The following HSPA12B variants were observed in gnomAD, a reference collection of about 807,000 sequenced individuals.
The protein encoded by HSPA12B is heat shock 70 kDa protein 12B.
A neutral mutation model predicts 69.3 loss-of-function variants in HSPA12B; 54 were observed. The observed-to-expected ratio is 0.78, with a 90% CI of 0.63 to 0.98. The LOEUF (loss-of-function observed/expected upper bound fraction) is 0.98. Among genes scored for constraint, HSPA12B ranks in the 50% least tolerant of loss-of-function variants. HSPA12B has a pLI of 0.00. For synonymous variants in HSPA12B, 441 were observed against 436.5 expected, an observed-to-expected ratio of 1.01 and a Z score of -0.13; for missense variants, 929 against 999.8, an observed-to-expected ratio of 0.93 and a Z score of 0.96.
chr20:3,752,301 G>T lies in HSPA12B; in HGVS notation c.*135G>T. 2 of 875,596 alleles carry T rather than the reference G, an allele frequency of 2.3e-6. No homozygotes were observed. The highest frequency in any genetic ancestry group is 2.2e-5 in the South Asian group (1 of 45,632). The allele number at this position is 875,596 out of a possible 1,614,324, so 54.2% of individuals were successfully genotyped here. A position where few individuals can be genotyped will look rare whatever the true frequency, so the allele number is the denominator to read the frequency against. On this transcript the variant is annotated 3_prime_UTR_variant, in exon 13 of 13. Transcript: ENST00000254963. ...CTTTCCACGCCCTCCAGCCCCGGGG[G>T]AGATAAGGTCATGGGAGAGTGGGTG...
At chr20:3,741,026 A>C in intron 3 of HSPA12B, 114 bp downstream of exon 3, 1 of 780,658 alleles carries the variant, frequency 1.3e-6, no homozygotes, top group Non-Finnish European at 2.0e-6. Context: ...TGGGGGTAGC[A>C]CCATGCCTCT....
At chr20:3,733,260 G>A (rs1273878868) in intron 1 of HSPA12B, among the ~76,000 whole-genome samples, 1 of 152,162 alleles carries the variant, frequency 6.6e-6, no homozygotes, top group Non-Finnish European at 1.5e-5. Flanking sequence ...GTCTGAGGCT[G>A]GGACCTGGTC....
chr20:3,740,114 G>A lies in HSPA12B; in HGVS notation c.44-701G>A, dbSNP rs907423502. 6.6e-6 allele frequency among the ~76,000 whole-genome samples: 1 copy of A among 152,126 alleles called. No homozygotes were observed. Among genetic ancestry groups the A allele is most frequent in the Non-Finnish European group, 1.5e-5 (1 of 68,030 alleles). ...GCGTGCAAGAGGGTCTTGATGGGGC[G>A]TCCTGCCCTGAAATGCTGGCTCAGG... On this transcript the variant is annotated intron_variant, in intron 2 of 12. Transcript: ENST00000254963. The surrounding 1 kb of genome is among the most constrained non-coding windows in gnomAD (Gnocchi z 4.9).
At position 3,745,831 on chromosome 20, in the gene HSPA12B, G is replaced by T; in HGVS notation, c.559-84G>T. 2 of 1,238,736 alleles carry T rather than the reference G, an allele frequency of 1.6e-6. No homozygotes were observed. The highest frequency in any genetic ancestry group is 2.4e-5 in the South Asian group (2 of 83,350). 76.7% of individuals were successfully genotyped at this position (1,238,736 alleles called of 1,614,324 possible). On this transcript the variant is annotated intron_variant, in intron 6 of 12. Transcript: ENST00000254963. The surrounding 1 kb of genome is among the most constrained non-coding windows in gnomAD (Gnocchi z 5.6). The stretch of plus-strand genomic sequence containing the variant: ...TGCTGGGAAGTCCTTCCTGTGATTT[G>T]ATTAGTACCTCCAGTTCCGCAGAGG...
rs2088290199 is a variant in HSPA12B at position 3,745,787 on chromosome 20, G to A, written c.559-128G>A. On this transcript the variant is annotated intron_variant, in intron 6 of 12. Transcript: ENST00000254963. The surrounding 1 kb of genome is among the most constrained non-coding windows in gnomAD (Gnocchi z 5.6). ...GCACCAAGCCATACTGATGGGAGGGGGGCCGATTCTTCCAGCTCTGCTGGG... is the reference window on the plus strand; with the variant it reads ...GCACCAAGCCATACTGATGGGAGGGAGGCCGATTCTTCCAGCTCTGCTGGG... 7 of 985,404 alleles carry A rather than the reference G, an allele frequency of 7.1e-6. No individual in the cohort carries two copies. Among genetic ancestry groups the A allele is most frequent in the Non-Finnish European group, 1.1e-5 (7 of 618,312 alleles). 61.0% of individuals were successfully genotyped at this position (985,404 alleles called of 1,614,324 possible). A position where few individuals can be genotyped will look rare whatever the true frequency, so the allele number is the denominator to read the frequency against.
Position 3,740,744 on chromosome 20 carries a change from G to A in HSPA12B, c.44-71G>A. 2.5e-6 allele frequency: 3 copies of A among 1,213,558 alleles called. No individual in the cohort carries two copies. The highest frequency in any genetic ancestry group is 3.6e-6 in the Non-Finnish European group (3 of 835,776). The allele number at this position is 1,213,558 out of a possible 1,614,324, so 75.2% of individuals were successfully genotyped here. ...AAGGACTGATGGAGAACCTTTGGGTGCCTGGCTTGGGGCCCCGCTGCCATA... is the reference window on the plus strand; with the variant it reads ...AAGGACTGATGGAGAACCTTTGGGTACCTGGCTTGGGGCCCCGCTGCCATA... On this transcript the variant is annotated intron_variant, in intron 2 of 12. Coordinates refer to ENST00000254963, the MANE Select transcript of HSPA12B (RefSeq NM_052970.5). This position sits in a 1 kb window ranked among gnomAD's most constrained non-coding sequence, Gnocchi z 4.9.
Position 3,737,340 on chromosome 20 carries a change from G to A in HSPA12B, c.-17-1318G>A, listed in dbSNP as rs539517301. Among the ~76,000 whole-genome samples, 18 of 152,154 alleles carry A rather than the reference G, an allele frequency of 1.2e-4. No individual in the cohort carries two copies. Among genetic ancestry groups the A allele is most frequent in the South Asian group, 8.3e-4 (4 of 4,818 alleles). On this transcript the variant is annotated intron_variant, in intron 1 of 12. Transcript: ENST00000254963. This position sits in a 1 kb window ranked among gnomAD's most constrained non-coding sequence, Gnocchi z 4.1. ...TTCCTCACCTCCCTTCAGCTTTAGC[G>A]CCCTCCAACTACTGCCCTCACATGT...
At chr20:3,750,773 G>A (rs767083205) in intron 11 of HSPA12B, 31 bp from the exon 12 acceptor site, 7 of 1,613,266 alleles carry the variant, frequency 4.3e-6, no homozygotes, top group Non-Finnish European at 5.9e-6. Flanking sequence ...GGCCCTGACC[G>A]ATGGATATTT....
At chr20:3,746,598 G>A (rs1232919444) in intron 7 of HSPA12B, among the ~76,000 whole-genome samples, 4 of 152,138 alleles carry the variant, frequency 2.6e-5, no homozygotes, top group Non-Finnish European at 5.9e-5. Context: ...CACCGCGCCC[G>A]GCCAAGATGG....
chr20:3,747,259 C>T (rs1328384792), intron 7 of HSPA12B, among the ~76,000 whole-genome samples: 2 of 152,106 alleles, frequency 1.3e-5, no homozygotes, highest in Non-Finnish European at 2.9e-5. Flanking sequence ...TGGAGGGACC[C>T]CCAATCCTCC....
chr20:3,744,175 G>GGGT lies in HSPA12B; in HGVS notation c.267-725_267-723dup, dbSNP rs1457449104. Among the ~76,000 whole-genome samples the GGGT allele has an allele frequency of 6.6e-6, 1 of 152,194 alleles. No individual in the cohort carries two copies. On this transcript the variant is annotated intron_variant, in intron 4 of 12. Coordinates refer to ENST00000254963, the MANE Select transcript of HSPA12B (RefSeq NM_052970.5). The surrounding 1 kb of genome is among the most constrained non-coding windows in gnomAD (Gnocchi z 4.9). Reference sequence around the variant, plus strand: ...CCCAAGGCCTGGAGACTGGATGGAAGGGTGAATGGAGACATAGACAGACAG... The same window carrying GGGT: ...CCCAAGGCCTGGAGACTGGATGGAAGGGTGGTGAATGGAGACATAGACAGACAG...
Position 3,742,321 on chromosome 20 carries a change from C to G in HSPA12B, c.179C>G (p.Ser60Cys). 1.2e-6 allele frequency: 2 copies of G among 1,614,156 alleles called. No homozygotes were observed. The highest frequency in any genetic ancestry group is 1.7e-6 in the Non-Finnish European group (2 of 1,179,978). The part of the protein sequence containing the change: ...EVRAPQQASF[S>C]VVVAIDFGTT... Reference sequence around the variant, plus strand: ...CGAGCCCCCCAGCAGGCCTCCTTCTCTGTGGTGGTGGCCATTGACTTCGGC... The same window carrying G: ...CGAGCCCCCCAGCAGGCCTCCTTCTGTGTGGTGGTGGCCATTGACTTCGGC... The change falls in exon 4 of 13, where the codon TCT becomes TGT. Residue 60 changes from serine (S) to cysteine (C), a missense_variant. Physicochemically the swap from Ser to Cys is moderately radical, Grantham distance 112. Around this residue, in one of 3 missense-constraint regions of HSPA12B, gnomAD observed 477 missense variants for 535.2 expected, o/e 0.89. Transcript: ENST00000254963.
Position 3,750,925 on chromosome 20 carries a change from G to A in HSPA12B, c.1405+18G>A. 6.2e-7 allele frequency: 1 copy of A among 1,606,530 alleles called. No homozygotes were observed. Among genetic ancestry groups the A allele is most frequent in the South Asian group, 1.1e-5 (1 of 90,936 alleles). On this transcript the variant is annotated intron_variant, in intron 12 of 12. Coordinates refer to ENST00000254963, the MANE Select transcript of HSPA12B (RefSeq NM_052970.5). ...GCACATAGGTGAGCACCTGAGCTTG[G>A]TCCCCCACCCGCCCCTACATGAACA...
Position 3,749,096 on chromosome 20 carries a change from C to G in HSPA12B, c.851-136C>G. ...GGGTTCAGGATTGCCCTCTCCCAGT[C>G]AGGAGCAGGTTGGAGTTTCAGGAGC... On this transcript the variant is annotated intron_variant, in intron 8 of 12. Coordinates refer to ENST00000254963, the MANE Select transcript of HSPA12B (RefSeq NM_052970.5). The surrounding 1 kb of genome is among the most constrained non-coding windows in gnomAD (Gnocchi z 5.5). The G allele has an allele frequency of 1.5e-6, 1 of 687,822 alleles. No individual in the cohort carries two copies. Among genetic ancestry groups the G allele is most frequent in the Non-Finnish European group, 2.5e-6 (1 of 399,450 alleles). The allele number at this position is 687,822 out of a possible 1,614,324, so 42.6% of individuals were successfully genotyped here.
In HSPA12B at chr20:3,749,987, T is replaced by C. The variant is rs758006104; in HGVS notation, c.1061T>C (p.Val354Ala). ...YKASGGPYGA[V>A]GVDLAFEQLL... The stretch of plus-strand genomic sequence containing the variant: ...ACCCCAGGGGGCCCTTATGGCGCGG[T>C]GGGCGTGGACCTGGCCTTCGAGCAG... Residue 354 changes from valine (V) to alanine (A), a missense_variant, in exon 11 of 13, where the codon GTG becomes GCG. By Grantham distance (64) the Val-to-Ala change is moderately conservative. This residue lies in a region of HSPA12B where 477 missense variants were observed against 535.2 expected (regional missense o/e 0.89). Transcript: ENST00000254963. This position sits in a 1 kb window ranked among gnomAD's most constrained non-coding sequence, Gnocchi z 5.5. The C allele has an allele frequency of 3.2e-6, 5 of 1,572,948 alleles. No individual in the cohort carries two copies. Among genetic ancestry groups the C allele is most frequent in the Non-Finnish European group, 3.5e-6 (4 of 1,159,284 alleles).
In HSPA12B at chr20:3,749,994, G is replaced by C; in HGVS notation, c.1068G>C (p.Val356=). Residue 356 remains valine (V), a synonymous_variant, in exon 11 of 13, where the codon GTG becomes GTC. Coordinates refer to ENST00000254963, the MANE Select transcript of HSPA12B (RefSeq NM_052970.5). The surrounding 1 kb of genome is among the most constrained non-coding windows in gnomAD (Gnocchi z 5.5). The part of the protein sequence containing the change: ...ASGGPYGAVG[V]DLAFEQLLCR... The stretch of plus-strand genomic sequence containing the variant: ...GGGGCCCTTATGGCGCGGTGGGCGT[G>C]GACCTGGCCTTCGAGCAGCTGCTGT... 2 of 1,579,834 alleles carry C rather than the reference G, an allele frequency of 1.3e-6. No individual in the cohort carries two copies. The highest frequency in any genetic ancestry group is 1.7e-6 in the Non-Finnish European group (2 of 1,163,542).
Position 3,745,657 on chromosome 20 carries a change from G to A in HSPA12B, c.558+60G>A, listed in dbSNP as rs1168828924. On this transcript the variant is annotated intron_variant, in intron 6 of 12. Transcript: ENST00000254963. The surrounding 1 kb of genome is among the most constrained non-coding windows in gnomAD (Gnocchi z 5.6). ...GGGACCCCCTATTTTCCCCTCATCC[G>A]AAACCGCTCCCCCATCCCGTCCCCG... 7 of 1,464,906 alleles carry A rather than the reference G, an allele frequency of 4.8e-6. No homozygotes were observed. Among genetic ancestry groups the A allele is most frequent in the Non-Finnish European group, 5.7e-6 (6 of 1,050,552 alleles). 90.7% of individuals were successfully genotyped at this position (1,464,906 alleles called of 1,614,324 possible).
Position 3,749,176 on chromosome 20 carries a change from G to A in HSPA12B, c.851-56G>A. ...CTGGGCAGGAGGATGGGAGTTGAAC[G>A]CCATAGCTGGAGCACCTCCTTCTAA... is the stretch of plus-strand genomic sequence containing the variant. On this transcript the variant is annotated intron_variant, in intron 8 of 12. Transcript: ENST00000254963. The surrounding 1 kb of genome is among the most constrained non-coding windows in gnomAD (Gnocchi z 5.5). The A allele has an allele frequency of 2.0e-6, 3 of 1,496,116 alleles. No homozygotes were observed. The highest frequency in any genetic ancestry group is 1.8e-6 in the Non-Finnish European group (2 of 1,087,390). The allele number at this position is 1,496,116 out of a possible 1,614,324, so 92.7% of individuals were successfully genotyped here. A position where few individuals can be genotyped will look rare whatever the true frequency, so the allele number is the denominator to read the frequency against.
At position 3,748,356 on chromosome 20, in the gene HSPA12B, G is replaced by A. The variant is rs777642122; in HGVS notation, c.815G>A (p.Gly272Asp). ...CGGGCCCCAGGTGGTGGGCGCCTGGGTGAGCGCCGCTCCATCGACTCCAGC... is the reference window on the plus strand; with the variant it reads ...CGGGCCCCAGGTGGTGGGCGCCTGGATGAGCGCCGCTCCATCGACTCCAGC... ...SGRAPGGGRL[G>D]ERRSIDSSFR... Residue 272 changes from glycine to aspartate, a missense_variant, in exon 8 of 13, where the codon GGT (glycine) becomes GAT (aspartate). Gly to Asp is a moderately conservative substitution (Grantham distance 94). Coordinates refer to ENST00000254963, the MANE Select transcript of HSPA12B (RefSeq NM_052970.5). 2.5e-6 allele frequency: 4 copies of A among 1,608,358 alleles called. No homozygotes were observed. The highest frequency in any genetic ancestry group is 1.7e-5 in the Admixed American group (1 of 59,440).
Sources: allele counts gnomAD v4.1 joint callset (sites outside exome capture counted in the v4.1 genomes callset), GRCh38; gene constraint gnomAD v4.1.1; regional missense constraint gnomAD v4.1.1; non-coding constraint Gnocchi (gnomAD v3.1); transcripts MANE v1.5; gene names NCBI Gene and HGNC (gene_info 2026-07-23, HGNC 2026-07-21).